Variants in MAGI2 observed in about 807,000 individuals in gnomAD.
The protein encoded by MAGI2 is membrane-associated guanylate kinase, WW and PDZ domain-containing protein 2.
A neutral mutation model predicts 133.3 loss-of-function variants in MAGI2; 35 were observed. The observed-to-expected ratio is 0.26, with a 90% confidence interval of 0.20 to 0.35. The LOEUF (loss-of-function observed/expected upper bound fraction) is 0.35. Ranked by LOEUF, MAGI2 falls within the 10% of genes least tolerant of loss-of-function variation. The probability of loss-of-function intolerance (pLI) is 1.00; values close to 1 mark genes in which losing one functional copy is unlikely to be tolerated. For missense variants in MAGI2, 1,636 were observed against 1,863.4 expected (o/e 0.88, Z 2.25); for synonymous variants, 729 against 710.6 (o/e 1.03, Z -0.41).
At position 78,553,495 on chromosome 7, in the gene MAGI2, G is replaced by T. The variant is rs546795920; in HGVS notation, c.539-31850C>A. ...CTGTCATTAAAGTGTTACTGGTGAA[G>T]GAAGACTTGCACTTATACAAACAAA... On this transcript the variant is annotated intron_variant, in intron 3 of 21. Coordinates refer to ENST00000354212, the MANE Select transcript of MAGI2 (RefSeq NM_012301.4). Among the ~76,000 whole-genome samples, 22 of 152,280 alleles carry T rather than the reference G, an allele frequency of 1.4e-4. 1 individual carries two copies. Among genetic ancestry groups the T allele is most frequent in the Non-Finnish European group, 2.8e-4 (19 of 68,014 alleles).
rs144782798 is a variant in MAGI2 at position 79,264,961 on chromosome 7, G to A, written c.301+188059C>T. On this transcript the variant is annotated intron_variant, in intron 1 of 21. Coordinates refer to ENST00000354212, the MANE Select transcript of MAGI2 (RefSeq NM_012301.4). ...GAGTGAGAAGTTGCTGGCCCTCTAG[G>A]GAGGACATTAGTCCATGAGGAATTT... Among the ~76,000 whole-genome samples, 1,234 of 152,060 alleles carry A rather than the reference G, an allele frequency of 8.1e-3. 6 individuals are homozygous for A. Among genetic ancestry groups the A allele is most frequent in the South Asian group, 0.023 (111 of 4,816 alleles).
intron 2 of MAGI2, among the ~76,000 whole-genome samples, chr7:78,713,806 G>A (rs955763745): frequency 1.3e-5 from 2 of 152,072 alleles, no homozygotes; most frequent in African/African-American, 4.8e-5. Context: ...GGAGAACCAT[G>A]CATACAGAAC....
At chr7:78,069,483 ATGTGTATG>A (rs3840608) in intron 21 of MAGI2, among the ~76,000 whole-genome samples, 23,305 of 143,114 alleles carry the variant, frequency 0.16, 1,975 homozygotes, top group Middle Eastern at 0.21. Flanking sequence ...GTGTTTGTGT[ATGTGTATG>A]TGTGTATGTG....
intron 1 of MAGI2, among the ~76,000 whole-genome samples, chr7:79,443,703 G>A (rs889096274): frequency 3.3e-5 from 5 of 152,172 alleles, no homozygotes; most frequent in African/African-American, 1.2e-4. Flanking sequence ...AAGTGACAAT[G>A]TAAAGTATAA....
intron 15 of MAGI2, among the ~76,000 whole-genome samples, chr7:78,162,524 C>CAAAAAAAAA: frequency 1.8e-5 from 1 of 54,774 alleles, no homozygotes; most frequent in Non-Finnish European, 3.5e-5. Context: ...GACTCTGCCT[C>CAAAAAAAAA]AAAAAAAAAA....
intron 1 of MAGI2, among the ~76,000 whole-genome samples, chr7:79,080,716 G>A (rs970754411): frequency 6.6e-6 from 1 of 151,992 alleles, no homozygotes. Context: ...CAGGTACAAA[G>A]CACTCTAGAG....
chr7:79,407,983 C>G (rs867762919), intron 1 of MAGI2, among the ~76,000 whole-genome samples: 62 of 152,100 alleles, frequency 4.1e-4, no homozygotes, highest in Admixed American at 1.2e-3. Context: ...ACACTTAGCC[C>G]TCAAATGATA....
chr7:79,039,397 A>G, intron 1 of MAGI2, among the ~76,000 whole-genome samples: 1 of 152,196 alleles, frequency 6.6e-6, no homozygotes, highest in East Asian at 1.9e-4. Context: ...GAATAGGCTA[A>G]TATAATGTGT....
intron 2 of MAGI2, among the ~76,000 whole-genome samples, chr7:78,670,872 T>G (rs567097427): frequency 5.3e-5 from 8 of 152,316 alleles, no homozygotes; most frequent in Admixed American, 5.2e-4. Context: ...TACTTTATCA[T>G]TAAAAATTTT....
intron 16 of MAGI2, among the ~76,000 whole-genome samples, chr7:78,156,716 C>T (rs1824422972): frequency 6.6e-6 from 1 of 151,608 alleles, no homozygotes; most frequent in African/African-American, 2.4e-5. Context: ...AGCACCTGGG[C>T]TGTTAACCAT....
intron 2 of MAGI2, among the ~76,000 whole-genome samples, chr7:78,695,785 T>C (rs1817448271): frequency 6.6e-6 from 1 of 152,214 alleles, no homozygotes. Flanking sequence ...GACAATTTTT[T>C]AGAGCTAAGA....
intron 2 of MAGI2, among the ~76,000 whole-genome samples, chr7:78,647,217 CA>C (rs1810991433): frequency 6.6e-6 from 1 of 152,112 alleles, no homozygotes; most frequent in Non-Finnish European, 1.5e-5. Flanking sequence ...AGTGAACCTA[CA>C]GAATGGGAGA....
At chr7:78,188,815 A>G (rs1827940797) in intron 12 of MAGI2, among the ~76,000 whole-genome samples, 2 of 152,080 alleles carry the variant, frequency 1.3e-5, no homozygotes, top group Admixed American at 6.6e-5. Flanking sequence ...AAACTTTTTG[A>G]TATTTCCAGC....
At chr7:78,836,726 C>G (rs1791650031) in intron 2 of MAGI2, among the ~76,000 whole-genome samples, 1 of 152,082 alleles carries the variant, frequency 6.6e-6, no homozygotes, top group South Asian at 2.1e-4. Context: ...TTCTAGACTC[C>G]TAGTGCCAAA....
chr7:78,385,394 C>T (rs1234893955), intron 6 of MAGI2, among the ~76,000 whole-genome samples: 1 of 152,126 alleles, frequency 6.6e-6, no homozygotes, highest in East Asian at 1.9e-4. Context: ...TTACTTATCA[C>T]AGACAGTGTC....
chr7:79,330,949 G>C (rs999253978), intron 1 of MAGI2, among the ~76,000 whole-genome samples: 1 of 151,812 alleles, frequency 6.6e-6, no homozygotes, highest in Admixed American at 6.6e-5. Context: ...ATTCCTTCAC[G>C]ACAATTTACT....
intron 1 of MAGI2, among the ~76,000 whole-genome samples, chr7:79,424,738 T>C (rs1847220899): frequency 6.6e-6 from 1 of 152,142 alleles, no homozygotes; most frequent in Non-Finnish European, 1.5e-5. Context: ...CTATATAAAG[T>C]CACATAGTCT....
chr7:78,848,078 T>G (rs1792781668), intron 2 of MAGI2, among the ~76,000 whole-genome samples: 1 of 151,928 alleles, frequency 6.6e-6, no homozygotes, highest in Admixed American at 6.6e-5. Context: ...AACTCCCAGA[T>G]AAGTACCTAG....
chr7:78,241,880 G>A (rs1279775179), intron 10 of MAGI2, among the ~76,000 whole-genome samples: 1 of 151,686 alleles, frequency 6.6e-6, no homozygotes, highest in African/African-American at 2.4e-5. Context: ...GCTGCAGTGA[G>A]CCGAGATCAT....
Sources: allele counts gnomAD v4.1 joint callset (sites outside exome capture counted in the v4.1 genomes callset), GRCh38; gene constraint gnomAD v4.1.1; transcripts MANE v1.5; gene names NCBI Gene and HGNC (gene_info 2026-07-23, HGNC 2026-07-21).